The following SNAP25 variants were observed in gnomAD, a reference collection of about 807,000 sequenced individuals.
SNAP25 encodes synaptosome associated protein 25, also known as synaptosomal-associated protein 25.
A neutral mutation model predicts 28.7 loss-of-function variants in SNAP25; 3 were observed. That is an observed-to-expected ratio of 0.10 (90% CI 0.05 to 0.27). SNAP25 has a LOEUF of 0.27. Ranked by LOEUF, SNAP25 falls within the 10% of genes least tolerant of loss-of-function variation. SNAP25 has a pLI of 1.00. For synonymous variants in SNAP25, 61 were observed against 88.1 expected (o/e 0.69, Z 1.72); for missense variants, 117 against 278.7 (o/e 0.42, Z 4.13).
chr20:10,275,425 C>G lies in SNAP25; in HGVS notation c.-63-4C>G, dbSNP rs1403917904. On this transcript the variant is annotated splice_region_variant and splice_polypyrimidine_tract_variant and intron_variant, in intron 1 of 7. Transcript: ENST00000254976. ...CTCATATTTTCATATCTACTTCTTC[C>G]CAGGTCCAGAGCCAAACCCGTCACT... The G allele has an allele frequency of 2.1e-6, 3 of 1,427,770 alleles. No individual in the cohort carries two copies. The African/African-American group carries it at 4.3e-5, about 20-fold the overall frequency. The allele number at this position is 1,427,770 out of a possible 1,614,324, so 88.4% of individuals were successfully genotyped here.
chr20:10,275,604 G>A (rs362585), intron 2 of SNAP25, 41 bp downstream of exon 2: 25 of 1,533,056 alleles, frequency 1.6e-5, no homozygotes, highest in Non-Finnish European at 2.0e-5. Flanking sequence ...AAAGATGAAG[G>A]CCTGAGTGGT....
chr20:10,289,316 C>G (rs935525589), intron 4 of SNAP25, among the ~76,000 whole-genome samples: 1 of 152,196 alleles, frequency 6.6e-6, no homozygotes, highest in East Asian at 1.9e-4. Flanking sequence ...GGGCTTTTAC[C>G]TGCATATCTC....
chr20:10,246,451 G>A (rs1465943491), intron 1 of SNAP25, among the ~76,000 whole-genome samples: 3 of 152,126 alleles, frequency 2.0e-5, no homozygotes, highest in African/African-American at 7.2e-5. Flanking sequence ...AAATTTTGAC[G>A]TTTATCTAAA....
At chr20:10,296,837 G>A in intron 5 of SNAP25, 88 bp from the exon 6 acceptor site, 1 of 1,591,424 alleles carries the variant, frequency 6.3e-7, no homozygotes, top group Middle Eastern at 2.2e-4. Flanking sequence ...CATTCGCTTG[G>A]TTCGATTCTT....
intron 1 of SNAP25, among the ~76,000 whole-genome samples, chr20:10,251,723 T>G (rs191657655): frequency 5.6e-4 from 86 of 152,324 alleles, no homozygotes; most frequent in African/African-American, 1.9e-3. Flanking sequence ...TTTTTGTTAT[T>G]CATGAGATCT....
At chr20:10,292,822 T>A (rs547645121) in intron 4 of SNAP25, 1 of 989,520 alleles carries the variant, frequency 1.0e-6, no homozygotes, top group South Asian at 1.5e-5. Context: ...TCATTTCTCA[T>A]GTTCTGTTGG....
chr20:10,263,954 G>A (rs915167247), intron 1 of SNAP25, among the ~76,000 whole-genome samples: 1 of 152,072 alleles, frequency 6.6e-6, no homozygotes, highest in Non-Finnish European at 1.5e-5. Context: ...CTGTGCTTTG[G>A]CTCCTAAGTA....
chr20:10,284,628 TC>T, intron 3 of SNAP25, 95 bp from the exon 4 acceptor site: 1 of 953,762 alleles, frequency 1.0e-6, no homozygotes. Flanking sequence ...TTCTTCATTT[TC>T]CATTTATAGG....
chr20:10,289,125 A>G (rs369060171), intron 4 of SNAP25, among the ~76,000 whole-genome samples: 2 of 152,194 alleles, frequency 1.3e-5, no homozygotes, highest in South Asian at 2.1e-4. Context: ...CAGGTTGTCC[A>G]GTTAAATGAT....
In SNAP25 at chr20:10,293,365, C is replaced by A; in HGVS notation, c.281+87C>A. 2.1e-6 allele frequency: 2 copies of A among 954,060 alleles called. No homozygotes were observed. The highest frequency in any genetic ancestry group is 3.4e-6 in the Non-Finnish European group (2 of 589,276). The allele number at this position is 954,060 out of a possible 1,614,324, so 59.1% of individuals were successfully genotyped here. A position where few individuals can be genotyped will look rare whatever the true frequency, so the allele number is the denominator to read the frequency against. ...AGCTCATTCCTGCCAAGCTCATAGG[C>A]AGGATGAGCATGTGGCATGCAGAAC... On this transcript the variant is annotated intron_variant, in intron 5 of 7. Transcript: ENST00000254976. The surrounding 1 kb of genome is among the most constrained non-coding windows in gnomAD (Gnocchi z 5.6).
At chr20:10,243,073 C>T (rs2063064029) in intron 1 of SNAP25, among the ~76,000 whole-genome samples, 1 of 152,190 alleles carries the variant, frequency 6.6e-6, no homozygotes, top group Non-Finnish European at 1.5e-5. Context: ...ACTGGCTTTA[C>T]CGTTCAGCTG....
intron 1 of SNAP25, among the ~76,000 whole-genome samples, chr20:10,244,733 C>CT (rs112632869): frequency 0.065 from 9,127 of 140,532 alleles, 659 homozygotes; most frequent in African/African-American, 0.17. Context: ...TTCTTTCTCT[C>CT]TTTTTTTTTT....
chr20:10,249,090 A>G (rs2063179762), intron 1 of SNAP25, among the ~76,000 whole-genome samples: 2 of 152,258 alleles, frequency 1.3e-5, no homozygotes, highest in Non-Finnish European at 2.9e-5. Context: ...ATGGAAAACA[A>G]TAACAGCCAA....
chr20:10,225,873 C>T (rs1268133560), intron 1 of SNAP25, among the ~76,000 whole-genome samples: 1 of 152,058 alleles, frequency 6.6e-6, no homozygotes, highest in Non-Finnish European at 1.5e-5. Flanking sequence ...CTGTCCTTTA[C>T]TGATAACAGC....
At chr20:10,253,718 G>A (rs575762528) in intron 1 of SNAP25, among the ~76,000 whole-genome samples, 6 of 152,256 alleles carry the variant, frequency 3.9e-5, no homozygotes, top group Admixed American at 2.0e-4. Flanking sequence ...TCCCCTTTGC[G>A]GTGTCACCCA....
chr20:10,301,321 T>C (rs1353437107), intron 7 of SNAP25, among the ~76,000 whole-genome samples: 3 of 152,194 alleles, frequency 2.0e-5, no homozygotes, highest in Admixed American at 1.3e-4. Flanking sequence ...TCAATTTGTA[T>C]CATTCCTTGA....
intron 1 of SNAP25, chr20:10,231,552 C>T (rs2062829233): frequency 6.6e-6 from 1 of 152,184 alleles, no homozygotes; most frequent in Admixed American, 6.5e-5. Context: ...TTTCCAGATC[C>T]CCAATCAGGA....
chr20:10,258,521 T>A (rs1043957137), intron 1 of SNAP25, among the ~76,000 whole-genome samples: 5 of 152,200 alleles, frequency 3.3e-5, no homozygotes, highest in African/African-American at 4.8e-5. Context: ...CACAAAATGC[T>A]TCCTTCTCCC....
At chr20:10,225,294 C>T (rs1455703465) in intron 1 of SNAP25, among the ~76,000 whole-genome samples, 2 of 151,644 alleles carry the variant, frequency 1.3e-5, no homozygotes, top group African/African-American at 4.8e-5. Context: ...GTCTTTCCAC[C>T]AAGGTAAAAC....
Sources: allele counts gnomAD v4.1 joint callset (sites outside exome capture counted in the v4.1 genomes callset), GRCh38; gene constraint gnomAD v4.1.1; non-coding constraint Gnocchi (gnomAD v3.1); transcripts MANE v1.5; gene names NCBI Gene and HGNC (gene_info 2026-07-23, HGNC 2026-07-21).